CORIN: variants seen among roughly 807,000 people sequenced by gnomAD.
The protein encoded by CORIN is corin, serine peptidase.
CORIN carries 117 observed loss-of-function variants against 125.3 expected under a neutral mutation model. That is an observed-to-expected ratio of 0.93 (90% CI 0.80 to 1.09). The LOEUF (loss-of-function observed/expected upper bound fraction) is 1.09. CORIN is among the 50% of genes least tolerant of loss of function. The pLI, the probability that CORIN is intolerant of heterozygous loss-of-function variation, is 0.00. For synonymous variants in CORIN, 450 were observed against 466.4 expected, an observed-to-expected ratio of 0.96 and a Z score of 0.45; for missense variants, 1,253 against 1,306.7, an observed-to-expected ratio of 0.96 and a Z score of 0.63.
At chr4:47,768,718 C>T (rs1198447405) in intron 3 of CORIN, among the ~76,000 whole-genome samples, 2 of 152,158 alleles carry the variant, frequency 1.3e-5, no homozygotes, top group African/African-American at 4.8e-5. Flanking sequence ...GAATGAAAGA[C>T]AAAAGCCATA....
At chr4:47,729,469 C>G (rs1354128668) in intron 5 of CORIN, among the ~76,000 whole-genome samples, 1 of 152,082 alleles carries the variant, frequency 6.6e-6, no homozygotes, top group Non-Finnish European at 1.5e-5. Context: ...GGGGCAAGAA[C>G]GTCGCAGCAG....
chr4:47,711,105 A>C (rs1726819462), intron 5 of CORIN, among the ~76,000 whole-genome samples: 1 of 152,110 alleles, frequency 6.6e-6, no homozygotes, highest in Non-Finnish European at 1.5e-5. Flanking sequence ...AAGAAGTCCC[A>C]CTGGCAGGGG....
chr4:47,624,527 G>T (rs1028573666), intron 17 of CORIN, among the ~76,000 whole-genome samples: 2 of 152,170 alleles, frequency 1.3e-5, no homozygotes, highest in South Asian at 4.1e-4. Context: ...TTAAATTTCT[G>T]CTATATGAGA....
chr4:47,722,629 G>T (rs191827252), intron 5 of CORIN, among the ~76,000 whole-genome samples: 1 of 152,154 alleles, frequency 6.6e-6, no homozygotes, highest in African/African-American at 2.4e-5. Context: ...AATAAACCCC[G>T]AAAGCAGAGG....
chr4:47,827,725 CTT>C (rs869082035), intron 1 of CORIN, among the ~76,000 whole-genome samples: 5 of 152,146 alleles, frequency 3.3e-5, no homozygotes, highest in Admixed American at 6.5e-5. Context: ...TATTTCTTAA[CTT>C]TGAAGGCATA....
At chr4:47,680,297 A>G in intron 7 of CORIN, 46 bp from the exon 8 acceptor site, 1 of 1,377,356 alleles carries the variant, frequency 7.3e-7, no homozygotes, top group Non-Finnish European at 1.0e-6. Flanking sequence ...CAGCATGACT[A>G]ACAGGCAGGA....
intron 20 of CORIN, among the ~76,000 whole-genome samples, chr4:47,601,728 T>C (rs1437913237): frequency 6.6e-6 from 1 of 152,076 alleles, no homozygotes; most frequent in Admixed American, 6.6e-5. Flanking sequence ...AAAAAACAGA[T>C]GCATAGGAGT....
chr4:47,648,839 T>C (rs939668867), intron 13 of CORIN, among the ~76,000 whole-genome samples: 1 of 152,172 alleles, frequency 6.6e-6, no homozygotes, highest in African/African-American at 2.4e-5. Flanking sequence ...TGGACCAGTG[T>C]CTGCCCCAGG....
chr4:47,827,600 G>A (rs1221453363), intron 1 of CORIN, among the ~76,000 whole-genome samples: 1 of 152,192 alleles, frequency 6.6e-6, no homozygotes, highest in East Asian at 1.9e-4. Context: ...TACTTCCTGA[G>A]TGGTTTTACT....
chr4:47,707,750 A>C (rs1177192891), intron 5 of CORIN, among the ~76,000 whole-genome samples: 1 of 152,214 alleles, frequency 6.6e-6, no homozygotes, highest in Non-Finnish European at 1.5e-5. Flanking sequence ...CCCTGGTGAG[A>C]ATATACCTGG....
intron 5 of CORIN, chr4:47,706,477 C>A (rs1035274587): frequency 3.8e-5 from 62 of 1,611,388 alleles, no homozygotes; most frequent in Middle Eastern, 1.7e-4. Context: ...GCTCTCTGCT[C>A]TTCACAGGGC....
intron 3 of CORIN, among the ~76,000 whole-genome samples, chr4:47,785,922 A>AG (rs953241928): frequency 6.6e-6 from 1 of 151,908 alleles, no homozygotes; most frequent in African/African-American, 2.4e-5. Flanking sequence ...AAAAAAAAAA[A>AG]AAAAAAAAGG....
chr4:47,722,666 CTTATT>C (rs1320947173), intron 5 of CORIN, among the ~76,000 whole-genome samples: 4 of 152,258 alleles, frequency 2.6e-5, no homozygotes, highest in Non-Finnish European at 4.4e-5. Flanking sequence ...AGGCAACAAA[CTTATT>C]TTATTTTGTC....
At chr4:47,704,476 G>A (rs1726455884) in intron 5 of CORIN, among the ~76,000 whole-genome samples, 1 of 152,028 alleles carries the variant, frequency 6.6e-6, no homozygotes, top group African/African-American at 2.4e-5. Context: ...GACAGAACGA[G>A]CCAGGGCAAT....
At chr4:47,657,214 G>C (rs1223014502) in intron 12 of CORIN, among the ~76,000 whole-genome samples, 1 of 152,044 alleles carries the variant, frequency 6.6e-6, no homozygotes, top group Non-Finnish European at 1.5e-5. Context: ...ATGTGTATTA[G>C]GCCATTCTTG....
intron 2 of CORIN, among the ~76,000 whole-genome samples, chr4:47,801,647 G>C (rs1247463912): frequency 6.6e-6 from 1 of 152,172 alleles, no homozygotes; most frequent in East Asian, 1.9e-4. Context: ...GCAATTATGA[G>C]GCTTTGCATT....
At chr4:47,723,995 C>CAAAAAAAA (rs766930754) in intron 5 of CORIN, among the ~76,000 whole-genome samples, 1 of 58,904 alleles carries the variant, frequency 1.7e-5, no homozygotes. Context: ...GACTCCATCT[C>CAAAAAAAA]AAAAAAAAAA....
chr4:47,741,080 CAAAAG>C (rs1422364381), intron 5 of CORIN, among the ~76,000 whole-genome samples: 1 of 151,766 alleles, frequency 6.6e-6, no homozygotes, highest in African/African-American at 2.4e-5. Context: ...GCATACACAA[CAAAAG>C]AAAAGACAGA....
chr4:47,623,780 A>T (rs1271753024), intron 18 of CORIN, 35 bp from the exon 19 acceptor site: 9 of 1,602,266 alleles, frequency 5.6e-6, no homozygotes, highest in Non-Finnish European at 6.8e-6. Context: ...TTGTGAGTTG[A>T]TGCCAAACCT....
Sources: allele counts gnomAD v4.1 joint callset (sites outside exome capture counted in the v4.1 genomes callset), GRCh38; gene constraint gnomAD v4.1.1; transcripts MANE v1.5; gene names NCBI Gene and HGNC (gene_info 2026-07-23, HGNC 2026-07-21).